Variants in PTPRA observed in about 807,000 individuals in gnomAD.
PTPRA encodes the protein protein tyrosine phosphatase receptor type A, also known as receptor-type tyrosine-protein phosphatase alpha.
Under a neutral mutation model 104.8 loss-of-function variants are expected in PTPRA, and 25 were observed. The observed-to-expected ratio is 0.24, with a 90% CI of 0.17 to 0.33. The LOEUF (loss-of-function observed/expected upper bound fraction) is 0.33, where lower values mean the gene tolerates loss of function less well. Among genes scored for constraint, PTPRA ranks in the 10% least tolerant of loss-of-function variants. The probability of loss-of-function intolerance (pLI) is 1.00; values close to 1 mark genes in which losing one functional copy is unlikely to be tolerated. For synonymous variants in PTPRA, 323 were observed against 368.9 expected (o/e 0.88, Z 1.43); for missense variants, 765 against 1,015.3 (o/e 0.75, Z 3.35).
intron 1 of PTPRA, among the ~76,000 whole-genome samples, chr20:2,909,988 C>CATA (rs1491472463): frequency 3.1e-5 from 3 of 96,460 alleles, no homozygotes; most frequent in African/African-American, 1.5e-4. Context: ...TATCATATAT[C>CATA]ATATATATAA....
chr20:2,916,830 G>T (rs547294344), intron 1 of PTPRA, among the ~76,000 whole-genome samples: 11 of 152,150 alleles, frequency 7.2e-5, no homozygotes, highest in Non-Finnish European at 1.6e-4. Context: ...TTGGTTACCG[G>T]TGCTTTGCAA....
At chr20:2,964,819 A>T in intron 4 of PTPRA, 42 bp from the exon 5 acceptor site, 1 of 1,517,174 alleles carries the variant, frequency 6.6e-7, no homozygotes, top group Non-Finnish European at 9.1e-7. Context: ...TTTTAGCCTC[A>T]CATTCTTCAT....
intron 5 of PTPRA, 93 bp downstream of exon 5, chr20:2,965,295 A>G (rs951212551): frequency 7.9e-7 from 1 of 1,260,258 alleles, no homozygotes; most frequent in East Asian, 2.5e-5. Context: ...AAATTTCTTC[A>G]AATAAGTAAA....
chr20:2,982,466 C>T (rs907604129), intron 6 of PTPRA, among the ~76,000 whole-genome samples: 13 of 151,986 alleles, frequency 8.6e-5, no homozygotes, highest in African/African-American at 3.1e-4. Flanking sequence ...TTTGGCTCAA[C>T]GTAATCCATT....
At chr20:2,917,447 CCCTT>C (rs2059945305) in intron 1 of PTPRA, among the ~76,000 whole-genome samples, 1 of 152,070 alleles carries the variant, frequency 6.6e-6, no homozygotes, top group Non-Finnish European at 1.5e-5. Context: ...CTCCTTTCCT[CCCTT>C]GTTATTCAAA....
intron 20 of PTPRA, among the ~76,000 whole-genome samples, chr20:3,029,808 G>A (rs879806150): frequency 6.6e-6 from 1 of 152,052 alleles, no homozygotes; most frequent in Non-Finnish European, 1.5e-5. Flanking sequence ...GATTACAGGC[G>A]TGAGCCACTG....
intron 1 of PTPRA, among the ~76,000 whole-genome samples, chr20:2,914,169 A>C (rs564781959): frequency 6.6e-6 from 1 of 152,196 alleles, no homozygotes; most frequent in Non-Finnish European, 1.5e-5. Flanking sequence ...TTGTCCTATC[A>C]TTCTTTGATC....
the PTPRA span, among the ~76,000 whole-genome samples, chr20:2,867,077 G>GTAAT: frequency 6.6e-6 from 1 of 152,240 alleles, no homozygotes; most frequent in Non-Finnish European, 1.5e-5. Context: ...GCCCTGTGAG[G>GTAAT]TAACATCACC....
At chr20:2,926,718 G>C (rs1034209463) in intron 2 of PTPRA, among the ~76,000 whole-genome samples, 3 of 142,520 alleles carry the variant, frequency 2.1e-5, no homozygotes, top group Non-Finnish European at 4.6e-5. Flanking sequence ...CCTTTTTTTA[G>C]GTTAATTTTC....
Position 3,005,137 on chromosome 20 carries a change from A to G in PTPRA, c.820A>G (p.Ile274Val). The change falls in exon 10 of 24, where the codon ATC becomes GTC. Residue 274 changes from isoleucine (I) to valine (V), a missense_variant. Physicochemically the swap from Ile to Val is conservative, Grantham distance 29 (BLOSUM62 3). This residue lies in a region of PTPRA where 245 missense variants were observed against 398.7 expected (regional missense o/e 0.61). Coordinates refer to ENST00000399903, the MANE Select transcript of PTPRA (RefSeq NM_001385305.1). Reference protein sequence around the residue: ...ENKEKNRYVNILPYDHSRVHL... With the variant: ...ENKEKNRYVNVLPYDHSRVHL... ...CAAGGAAAAAAATCGATATGTAAAC[A>G]TCTTGCCTTGTGAGTGTCTTTAGTG... is the stretch of plus-strand genomic sequence containing the variant. 1 of 1,597,334 alleles carries G rather than the reference A, an allele frequency of 6.3e-7. No individual in the cohort carries two copies. Among genetic ancestry groups the G allele is most frequent in the Non-Finnish European group, 8.6e-7 (1 of 1,164,678 alleles).
intron 9 of PTPRA, among the ~76,000 whole-genome samples, chr20:3,000,929 C>T (rs187534888): frequency 4.6e-5 from 7 of 151,722 alleles, no homozygotes; most frequent in Non-Finnish European, 8.8e-5. Flanking sequence ...GAGAGGAGCC[C>T]AAAGAGAGCT....
the PTPRA span, chr20:2,865,387 G>C: frequency 6.2e-7 from 1 of 1,614,086 alleles, no homozygotes; most frequent in South Asian, 1.1e-5. This position sits in a 1 kb window ranked among gnomAD's most constrained non-coding sequence, Gnocchi z 5.2. Flanking sequence ...TCCAAGCCCA[G>C]CTTTCCTGCA....
At chr20:2,905,128 G>A (rs1292360282) in intron 1 of PTPRA, among the ~76,000 whole-genome samples, 1 of 152,124 alleles carries the variant, frequency 6.6e-6, no homozygotes, top group Non-Finnish European at 1.5e-5. Flanking sequence ...AGGGATCTAG[G>A]TTGTGTGCTC....
chr20:2,896,808 T>C (rs567489454), intron 1 of PTPRA, among the ~76,000 whole-genome samples: 37 of 152,280 alleles, frequency 2.4e-4, no homozygotes, highest in African/African-American at 7.9e-4. Flanking sequence ...AAAACTTCCC[T>C]TTCCCCTTCA....
At chr20:2,904,445 C>T (rs897211848) in intron 1 of PTPRA, among the ~76,000 whole-genome samples, 9 of 151,768 alleles carry the variant, frequency 5.9e-5, no homozygotes, top group Non-Finnish European at 8.8e-5. Flanking sequence ...CCGAGGTGGG[C>T]GGATCGTGAG....
At chr20:2,865,187 C>T in the PTPRA span, 31 of 1,614,044 alleles carry the variant, frequency 1.9e-5, no homozygotes, top group Middle Eastern at 1.6e-4. The surrounding 1 kb of genome is among the most constrained non-coding windows in gnomAD (Gnocchi z 5.2). Context: ...GCTGCAGCGG[C>T]GCCTAGAAGA....
At chr20:3,007,198 T>C (rs1458771576) in intron 10 of PTPRA, 146 bp from the exon 11 acceptor site, 2 of 694,466 alleles carry the variant, frequency 2.9e-6, no homozygotes, top group East Asian at 2.8e-5. Flanking sequence ...GCTGTTATAC[T>C]GTTGGAGTTA....
chr20:3,010,658 A>T (rs955394026), intron 11 of PTPRA, among the ~76,000 whole-genome samples: 6 of 152,052 alleles, frequency 3.9e-5, no homozygotes, highest in Admixed American at 3.3e-4. Flanking sequence ...AAATAAAAAA[A>T]ATAAACACAG....
chr20:2,937,391 G>A (rs2060745143), intron 2 of PTPRA, among the ~76,000 whole-genome samples: 1 of 152,062 alleles, frequency 6.6e-6, no homozygotes, highest in Non-Finnish European at 1.5e-5. Flanking sequence ...CCAAAGTGCT[G>A]GGATTACAGG....
Sources: allele counts gnomAD v4.1 joint callset (sites outside exome capture counted in the v4.1 genomes callset), GRCh38; gene constraint gnomAD v4.1.1; regional missense constraint gnomAD v4.1.1; non-coding constraint Gnocchi (gnomAD v3.1); transcripts MANE v1.5; gene names NCBI Gene and HGNC (gene_info 2026-07-23, HGNC 2026-07-21).